ABHD10: variants seen among roughly 807,000 people sequenced by gnomAD.
The protein encoded by ABHD10 is abhydrolase domain containing 10, depalmitoylase, also known as palmitoyl-protein thioesterase ABHD10, mitochondrial.
ABHD10 carries 22 observed loss-of-function variants against 33.1 expected under a neutral mutation model. That is an observed-to-expected ratio of 0.66 (90% CI 0.47 to 0.95). The LOEUF (loss-of-function observed/expected upper bound fraction) is 0.95. Ranked by LOEUF, ABHD10 falls within the 40% of genes least tolerant of loss-of-function variation. The pLI, the probability that ABHD10 is intolerant of heterozygous loss-of-function variation, is 0.00. For missense variants in ABHD10, 352 were observed against 379.9 expected (o/e 0.93, Z 0.61); for synonymous variants, 146 against 133.9 (o/e 1.09, Z -0.62).
intron 4 of ABHD10, 100 bp from the exon 5 acceptor site, chr3:111,991,277 T>G (rs2072735935): frequency 1.0e-6 from 1 of 975,868 alleles, no homozygotes. Context: ...CTCTATCCTC[T>G]TATTCAAGAA....
chr3:111,992,956 T>C lies in ABHD10; in HGVS notation c.*1235T>C, dbSNP rs1039414797. On this transcript the variant is annotated 3_prime_UTR_variant, in exon 5 of 5. Coordinates refer to ENST00000273359, the MANE Select transcript of ABHD10 (RefSeq NM_018394.4). ...CCTGCTTTACAAGGTTGGCCCTTGA[T>C]TGGCATCTGGGAACTTGGAGTTCAG... 6.6e-6 allele frequency: 1 copy of C among 152,236 alleles called. No homozygotes were observed. The highest frequency in any genetic ancestry group is 1.5e-5 in the Non-Finnish European group (1 of 68,026). The allele number at this position is 152,236 out of a possible 1,614,324, so 9.4% of individuals were successfully genotyped here. A position where few individuals can be genotyped will look rare whatever the true frequency, so the allele number is the denominator to read the frequency against.
At position 111,991,662 on chromosome 3, in the gene ABHD10, C is replaced by A; in HGVS notation, c.862C>A (p.Gln288Lys). Residue 288 changes from glutamine to lysine, a missense_variant, in exon 5 of 5, where the codon CAA becomes AAA. Physicochemically the swap from Gln to Lys is moderately conservative, Grantham distance 53. Transcript: ENST00000273359. Reference sequence around the variant, plus strand: ...CCGAATGAGGGAAAAAGCAGACATTCAACTTCTTGTTTACACTATTGATGA... The same window carrying A: ...CCGAATGAGGGAAAAAGCAGACATTAAACTTCTTGTTTACACTATTGATGA... ...DHRMREKADI[Q>K]LLVYTIDDLI... The A allele has an allele frequency of 1.1e-5, 17 of 1,614,062 alleles. No homozygotes were observed. The highest frequency in any genetic ancestry group is 1.4e-5 in the Non-Finnish European group (17 of 1,179,952).
rs191750001 is a variant in ABHD10, at chr3:111,982,067, T to C, written c.326+100T>C. 1.3e-4 allele frequency: 125 copies of C among 934,808 alleles called. No homozygotes were observed. The African/African-American group carries it at 1.9e-3, about 14-fold the overall frequency. The allele number at this position is 934,808 out of a possible 1,614,324, so 57.9% of individuals were successfully genotyped here. ...GTTGAAGTAAATGCCAGCATTTTTA[T>C]ACATTATTTTAATGGTCTGTAAACT... On this transcript the variant is annotated intron_variant, in intron 2 of 4. Coordinates refer to ENST00000273359, the MANE Select transcript of ABHD10 (RefSeq NM_018394.4).
At chr3:111,980,946 C>T (rs1052259593) in intron 1 of ABHD10, among the ~76,000 whole-genome samples, 2 of 152,068 alleles carry the variant, frequency 1.3e-5, no homozygotes, top group African/African-American at 4.8e-5. Context: ...GGGCACAGCA[C>T]GTCCTCCTTT....
chr3:111,990,746 G>T (rs1480838485), intron 4 of ABHD10: 3 of 1,394,002 alleles, frequency 2.2e-6, no homozygotes, highest in Non-Finnish European at 2.9e-6. Flanking sequence ...GCCTAAAATT[G>T]CATGAGTATG....
At chr3:111,979,925 A>G (rs2072559046) in intron 1 of ABHD10, among the ~76,000 whole-genome samples, 1 of 152,240 alleles carries the variant, frequency 6.6e-6, no homozygotes, top group Non-Finnish European at 1.5e-5. Flanking sequence ...TTAAACTTTT[A>G]TAATCAGATT....
At chr3:111,981,242 G>A (rs2072579955) in intron 1 of ABHD10, among the ~76,000 whole-genome samples, 2 of 147,108 alleles carry the variant, frequency 1.4e-5, no homozygotes, top group South Asian at 2.1e-4. Context: ...AGTCGAGGAA[G>A]TCCAGGCTGC....
chr3:111,984,508 A>C (rs1358729875), intron 2 of ABHD10, among the ~76,000 whole-genome samples: 1 of 152,210 alleles, frequency 6.6e-6, no homozygotes, highest in Non-Finnish European at 1.5e-5. Context: ...TATTTTAGGA[A>C]CAGTAAGTTC....
chr3:111,988,986 G>A (rs2072707840), intron 4 of ABHD10, among the ~76,000 whole-genome samples: 1 of 152,158 alleles, frequency 6.6e-6, no homozygotes, highest in African/African-American at 2.4e-5. Flanking sequence ...TGCAAATCAA[G>A]GCATTTTTTG....
At chr3:111,982,543 T>C (rs2072599587) in intron 2 of ABHD10, among the ~76,000 whole-genome samples, 1 of 152,136 alleles carries the variant, frequency 6.6e-6, no homozygotes, top group Admixed American at 6.5e-5. Context: ...AGCAGTTATA[T>C]GTTTAGTATC....
chr3:111,987,026 C>A lies in ABHD10; in HGVS notation c.551C>A (p.Thr184Lys), dbSNP rs544890959. Residue 184 changes from threonine to lysine, a missense_variant, in exon 4 of 5, where the codon ACA becomes AAA. Physicochemically the swap from Thr to Lys is moderately conservative, Grantham distance 78. Transcript: ENST00000273359. ...GCTACAGCTGCAGATACCTTAGTGA[C>A]AAAGTTTAATCAGCTTCCTGTTGAG... ...GVATAADTLV[T>K]KFNQLPVELK... is the part of the protein sequence containing the mutation. The A allele has an allele frequency of 5.5e-5, 89 of 1,612,724 alleles. No individual in the cohort carries two copies. The African/African-American group carries it at 1.0e-3, about 18-fold the overall frequency.
In ABHD10 at chr3:111,991,898, G is replaced by T; in HGVS notation, c.*177G>T. The T allele has an allele frequency of 2.0e-6, 1 of 504,022 alleles. No homozygotes were observed. Among genetic ancestry groups the T allele is most frequent in the South Asian group, 3.9e-5 (1 of 25,700 alleles). 31.2% of individuals were successfully genotyped at this position (504,022 alleles called of 1,614,324 possible). On this transcript the variant is annotated 3_prime_UTR_variant, in exon 5 of 5. Transcript: ENST00000273359. ...TGCAAATTGTGAAGAAGGACCAGCT[G>T]CTGTTTAGAAAATTTTCTCCTTCCT...
chr3:111,991,414 T>C lies in ABHD10; in HGVS notation c.614T>C (p.Met205Thr), dbSNP rs1460331919. Residue 205 changes from methionine to threonine, a missense_variant, in exon 5 of 5, where the codon ATG (methionine) becomes ACG (threonine). Coordinates refer to ENST00000273359, the MANE Select transcript of ABHD10 (RefSeq NM_018394.4). Reference sequence around the variant, plus strand: ...GTAGAGATGAAAGGTGTGTGGAGCATGCCATCAAAATACTCTGAAGAAGGA... The same window carrying C: ...GTAGAGATGAAAGGTGTGTGGAGCACGCCATCAAAATACTCTGAAGAAGGA... ...KEVEMKGVWS[M>T]PSKYSEEGVY... is the part of the protein sequence containing the mutation. The C allele has an allele frequency of 1.2e-6, 2 of 1,612,968 alleles. No homozygotes were observed. Among genetic ancestry groups the C allele is most frequent in the Non-Finnish European group, 1.7e-6 (2 of 1,179,746 alleles).
At position 111,986,268 on chromosome 3, in the gene ABHD10, G is replaced by T; in HGVS notation, c.331G>T (p.Asp111Tyr). The change falls in exon 3 of 5, where the codon GAT becomes TAT. Residue 111 changes from aspartate to tyrosine, a missense_variant. Physicochemically the swap from Asp to Tyr is radical, Grantham distance 160. Transcript: ENST00000273359. Reference protein sequence around the residue: ...KSLGHACIRFDYSGVGSSDGN... With the variant: ...KSLGHACIRFYYSGVGSSDGN... Reference sequence around the variant, plus strand: ...ATTTTTTTCCCCTTTTTCCAGGTTTGATTACTCAGGAGTTGGAAGTTCAGA... The same window carrying T: ...ATTTTTTTCCCCTTTTTCCAGGTTTTATTACTCAGGAGTTGGAAGTTCAGA... 3 of 1,603,096 alleles carry T rather than the reference G, an allele frequency of 1.9e-6. No homozygotes were observed. Among genetic ancestry groups the T allele is most frequent in the South Asian group, 2.2e-5 (2 of 89,878 alleles).
chr3:111,979,027 G>A lies in ABHD10; in HGVS notation c.-35G>A, dbSNP rs200968097. On this transcript the variant is annotated 5_prime_UTR_variant, in exon 1 of 5. In the 5' UTR this introduces an upstream ATG that the reference lacks. Coordinates refer to ENST00000273359, the MANE Select transcript of ABHD10 (RefSeq NM_018394.4). ...GTTCCGTTGCGTAGCGTGTCCCTCA[G>A]TGGGACACTGCAGGGTGCGGGGACA... 6 of 1,595,730 alleles carry A rather than the reference G, an allele frequency of 3.8e-6. No homozygotes were observed. The highest frequency in any genetic ancestry group is 1.7e-5 in the Admixed American group (1 of 58,968).
Position 111,979,067 on chromosome 3 carries a change from G to C in ABHD10, c.6G>C (p.Ala2=), listed in dbSNP as rs750405903. The change falls in exon 1 of 5, where the codon GCG becomes GCC. Residue 2 remains alanine (A), a synonymous_variant. Coordinates refer to ENST00000273359, the MANE Select transcript of ABHD10 (RefSeq NM_018394.4). M[A]VARLAAVAAW... is the part of the protein sequence containing the mutation. ...GTGCGGGGACAACTACGAAGATGGC[G>C]GTTGCGCGCTTGGCAGCTGTGGCGG... 3 of 1,612,980 alleles carry C rather than the reference G, an allele frequency of 1.9e-6. No homozygotes were observed. Among genetic ancestry groups the C allele is most frequent in the Non-Finnish European group, 2.5e-6 (3 of 1,179,488 alleles).
intron 1 of ABHD10, 89 bp from the exon 2 acceptor site, chr3:111,981,695 G>C: frequency 1.7e-6 from 2 of 1,170,984 alleles, no homozygotes; most frequent in East Asian, 4.8e-5. Context: ...TCAATTCATT[G>C]AGATAAGAAA....
chr3:111,982,735 C>T (rs886248494), intron 2 of ABHD10, among the ~76,000 whole-genome samples: 3 of 152,136 alleles, frequency 2.0e-5, no homozygotes, highest in African/African-American at 7.2e-5. Context: ...GAGTTATTTT[C>T]TAGCACTAAC....
chr3:111,987,092 G>A (rs779324734), intron 4 of ABHD10, 41 bp downstream of exon 4: 5 of 1,591,600 alleles, frequency 3.1e-6, no homozygotes, highest in East Asian at 2.3e-5. Flanking sequence ...TATATTTACC[G>A]CTTATACTTC....
Sources: gnomAD v4.1 joint callset for allele counts (sites outside exome capture counted in the v4.1 genomes callset) on GRCh38, gnomAD v4.1.1 for gene constraint, MANE v1.5 for transcripts, NCBI Gene and HGNC (gene_info 2026-07-23, HGNC 2026-07-21) for gene names.